PLPPR1: variants seen among roughly 807,000 people sequenced by gnomAD.
PLPPR1 encodes the protein phospholipid phosphatase-related protein type 1.
Under a neutral mutation model 33.1 loss-of-function variants are expected in PLPPR1, and 10 were observed. That is an observed-to-expected ratio of 0.30 (90% CI 0.19 to 0.51). The LOEUF (loss-of-function observed/expected upper bound fraction) is 0.51. PLPPR1 is among the 20% of genes least tolerant of loss of function. The pLI is 0.97. For missense variants in PLPPR1, 304 were observed against 408.1 expected (o/e 0.74, Z 2.20); for synonymous variants, 151 against 151.0 (o/e 1.00, Z 0.00).
chr9:101,296,283 A>C (rs1237746724), intron 4 of PLPPR1, among the ~76,000 whole-genome samples: 2 of 151,922 alleles, frequency 1.3e-5, no homozygotes, highest in Admixed American at 1.3e-4. Context: ...GGCAATCATT[A>C]AAAAGTCAGG....
At chr9:101,313,460 A>G (rs763183249) in intron 6 of PLPPR1, among the ~76,000 whole-genome samples, 5 of 152,184 alleles carry the variant, frequency 3.3e-5, no homozygotes, top group Non-Finnish European at 7.3e-5. Context: ...CGGAAATTTT[A>G]AAAACCCTGC....
At chr9:101,256,853 T>A (rs1241547432) in intron 2 of PLPPR1, among the ~76,000 whole-genome samples, 1 of 152,102 alleles carries the variant, frequency 6.6e-6, no homozygotes, top group Non-Finnish European at 1.5e-5. Flanking sequence ...GAAATAAAGA[T>A]TGTAGCAATA....
chr9:101,258,517 G>A (rs969880777), intron 2 of PLPPR1, among the ~76,000 whole-genome samples: 5 of 152,168 alleles, frequency 3.3e-5, no homozygotes, highest in African/African-American at 1.2e-4. Context: ...TTAGTTTAAC[G>A]AAAGATATAG....
intron 2 of PLPPR1, among the ~76,000 whole-genome samples, chr9:101,239,804 T>G (rs1205244525): frequency 6.6e-6 from 1 of 152,032 alleles, no homozygotes; most frequent in Non-Finnish European, 1.5e-5. Flanking sequence ...GATATCCCCT[T>G]GTTAGATGAA....
At chr9:101,276,717 C>T (rs550472973) in intron 3 of PLPPR1, among the ~76,000 whole-genome samples, 3 of 152,228 alleles carry the variant, frequency 2.0e-5, no homozygotes, top group African/African-American at 4.8e-5. Flanking sequence ...AATATGATAC[C>T]GCCCTGGTGC....
At chr9:101,063,321 C>T (rs1000542641) in intron 1 of PLPPR1, among the ~76,000 whole-genome samples, 1 of 151,984 alleles carries the variant, frequency 6.6e-6, no homozygotes, top group Non-Finnish European at 1.5e-5. Flanking sequence ...GGTGATATGG[C>T]ATCCTCACAT....
At chr9:101,219,188 C>G (rs751990294) in intron 2 of PLPPR1, among the ~76,000 whole-genome samples, 2 of 152,208 alleles carry the variant, frequency 1.3e-5, no homozygotes, top group Non-Finnish European at 2.9e-5. Context: ...GTCCTCACCT[C>G]TCACTGTAGG....
At position 101,067,661 on chromosome 9, in the gene PLPPR1, A is replaced by G. The variant is rs540401900; in HGVS notation, c.-46+38559A>G. Reference sequence around the variant, plus strand: ...TCAAAACTTTGTCTGGAGTGCAGATAAAAAGTCTTCCCTGGACTTCCAAAC... The same window carrying G: ...TCAAAACTTTGTCTGGAGTGCAGATGAAAAGTCTTCCCTGGACTTCCAAAC... On this transcript the variant is annotated intron_variant, in intron 1 of 7. Coordinates refer to ENST00000374874, the MANE Select transcript of PLPPR1 (RefSeq NM_207299.2). Among the ~76,000 whole-genome samples the G allele has an allele frequency of 2.3e-4, 35 of 152,188 alleles. No homozygotes were observed. The South Asian group carries it at 4.4e-3, about 19-fold the overall frequency.
intron 4 of PLPPR1, among the ~76,000 whole-genome samples, chr9:101,305,769 T>C (rs1486413124): frequency 6.6e-6 from 1 of 152,126 alleles, no homozygotes; most frequent in Non-Finnish European, 1.5e-5. Context: ...CTGTCACTGT[T>C]TCTACTACAT....
rs192527479 is a variant in PLPPR1, at chr9:101,031,391, C to T, written c.-46+2289C>T. Reference sequence around the variant, plus strand: ...ATAAAATATGTAACATAGTTCTGTCCCTCAAAGTGTTTATGTTCTAGTTGT... The same window carrying T: ...ATAAAATATGTAACATAGTTCTGTCTCTCAAAGTGTTTATGTTCTAGTTGT... On this transcript the variant is annotated intron_variant, in intron 1 of 7. Transcript: ENST00000374874. Among the ~76,000 whole-genome samples, 580 of 152,074 alleles carry T rather than the reference C, an allele frequency of 3.8e-3. 1 individual carries two copies. Among genetic ancestry groups the T allele is most frequent in the Non-Finnish European group, 6.5e-3 (442 of 67,980 alleles).
chr9:101,075,985 G>T (rs972745457), intron 1 of PLPPR1, among the ~76,000 whole-genome samples: 4 of 152,142 alleles, frequency 2.6e-5, no homozygotes, highest in African/African-American at 9.7e-5. Context: ...TCAGAAAGAA[G>T]GCCAGTGACA....
chr9:101,063,412 CTA>C (rs1340515004), intron 1 of PLPPR1, among the ~76,000 whole-genome samples: 1 of 152,044 alleles, frequency 6.6e-6, no homozygotes, highest in African/African-American at 2.4e-5. Context: ...GAGTACCCTT[CTA>C]GTGGTGGCAC....
intron 2 of PLPPR1, chr9:101,187,846 G>A (rs892161551): frequency 2.0e-5 from 3 of 151,744 alleles, no homozygotes; most frequent in African/African-American, 7.3e-5. Flanking sequence ...TTTTGTCAAG[G>A]AAAATAAAAT....
chr9:101,154,938 A>G (rs1335815245), intron 1 of PLPPR1, among the ~76,000 whole-genome samples: 2 of 125,602 alleles, frequency 1.6e-5, no homozygotes, highest in East Asian at 2.7e-4. Context: ...TGGAAGGGGA[A>G]CATCACACAC....
At chr9:101,091,617 A>G (rs954456569) in intron 1 of PLPPR1, among the ~76,000 whole-genome samples, 3 of 152,138 alleles carry the variant, frequency 2.0e-5, no homozygotes, top group Non-Finnish European at 4.4e-5. Flanking sequence ...AATGTAGGAT[A>G]ATCTCTATAT....
intron 2 of PLPPR1, among the ~76,000 whole-genome samples, chr9:101,247,095 G>A (rs1365930996): frequency 6.6e-6 from 1 of 151,956 alleles, no homozygotes; most frequent in East Asian, 1.9e-4. Context: ...TCTCATAGAA[G>A]AATTGAGGCC....
At chr9:101,080,858 G>A (rs1830608344) in intron 1 of PLPPR1, among the ~76,000 whole-genome samples, 1 of 152,144 alleles carries the variant, frequency 6.6e-6, no homozygotes. Flanking sequence ...AAGAACAATG[G>A]TAGTAGACTA....
chr9:101,068,976 AG>A (rs1830451333), intron 1 of PLPPR1, among the ~76,000 whole-genome samples: 1 of 152,102 alleles, frequency 6.6e-6, no homozygotes, highest in African/African-American at 2.4e-5. Context: ...ACTTCTGCTT[AG>A]GGTATCTTTG....
rs186001929 is a variant in PLPPR1, at chr9:101,033,584, G to C, written c.-46+4482G>C. Among the ~76,000 whole-genome samples, 5 of 152,302 alleles carry C rather than the reference G, an allele frequency of 3.3e-5. No homozygotes were observed. In the East Asian group the frequency reaches 9.7e-4, roughly 29 times the overall value. On this transcript the variant is annotated intron_variant, in intron 1 of 7. Transcript: ENST00000374874. ...TAAGCCCCAGGAAAGAGCATAGGAA[G>C]TGAATACTCAGACAAGAAGGAAAAG...
Sources: allele counts gnomAD v4.1 joint callset (sites outside exome capture counted in the v4.1 genomes callset), GRCh38; gene constraint gnomAD v4.1.1; transcripts MANE v1.5; gene names NCBI Gene and HGNC (gene_info 2026-07-23, HGNC 2026-07-21).